R3HDM2: variants seen among roughly 807,000 people sequenced by gnomAD.
R3HDM2 encodes the protein R3H domain-containing protein 2.
In R3HDM2, 38 loss-of-function variants were observed where a neutral mutation model predicts 124.5. That is an observed-to-expected ratio of 0.31 (90% CI 0.24 to 0.40). The LOEUF is 0.40. R3HDM2 is among the 10% of genes least tolerant of loss of function. R3HDM2 has a pLI of 1.00. For missense variants in R3HDM2, 869 were observed against 1,236.9 expected, an observed-to-expected ratio of 0.70 and a Z score of 4.46; for synonymous variants, 391 against 448.0, an observed-to-expected ratio of 0.87 and a Z score of 1.61.
In R3HDM2 at chr12:57,256,437, G is replaced by C; in HGVS notation, c.2524C>G (p.Gln842Glu). The stretch of plus-strand genomic sequence containing the variant: ...ACCTGGTGCACCGTGTAAGTTGACT[G>C]GCCATGGAGCAAGGGAGGGCAGATG... ...LSICPPLLHG[Q>E]STYTVHQGQS... The change falls in exon 22 of 24, where the codon CAG becomes GAG. Residue 842 changes from glutamine to glutamate, a missense_variant. Around this residue, in one of 2 missense-constraint regions of R3HDM2, gnomAD observed 602 missense variants for 789.2 expected, o/e 0.76. Coordinates refer to ENST00000402412, the MANE Select transcript of R3HDM2 (RefSeq NM_001394031.1). The C allele has an allele frequency of 6.3e-7, 1 of 1,595,970 alleles. No homozygotes were observed. Among genetic ancestry groups the C allele is most frequent in the Non-Finnish European group, 8.5e-7 (1 of 1,170,664 alleles).
intron 8 of R3HDM2, 143 bp downstream of exon 8, chr12:57,297,185 A>G (rs1452999271): frequency 5.4e-6 from 3 of 553,328 alleles, no homozygotes; most frequent in Middle Eastern, 8.5e-4. Context: ...TTATTTTTCA[A>G]CTCAAATCTA....
chr12:57,385,454 G>C (rs781160237), intron 2 of R3HDM2, among the ~76,000 whole-genome samples: 8 of 151,870 alleles, frequency 5.3e-5, no homozygotes, highest in Non-Finnish European at 1.0e-4. Flanking sequence ...GTGTTAGCCA[G>C]AATGGTCTCG....
intron 2 of R3HDM2, among the ~76,000 whole-genome samples, chr12:57,323,402 G>A (rs1244407730): frequency 6.6e-6 from 1 of 152,148 alleles, no homozygotes; most frequent in Non-Finnish European, 1.5e-5. Context: ...AAAGCTATAG[G>A]TATATGACAG....
chr12:57,375,619 G>T (rs116002655), intron 2 of R3HDM2, among the ~76,000 whole-genome samples: 1,812 of 151,616 alleles, frequency 0.012, 33 homozygotes, highest in African/African-American at 0.041. Context: ...GGAGAAACAG[G>T]CTGGTTCTTT....
intron 6 of R3HDM2, among the ~76,000 whole-genome samples, chr12:57,298,892 G>A (rs1177688648): frequency 6.6e-6 from 1 of 152,264 alleles, no homozygotes; most frequent in African/African-American, 2.4e-5. Context: ...GAACTCGGGA[G>A]GCGAAGGTTG....
intron 1 of R3HDM2, among the ~76,000 whole-genome samples, chr12:57,415,575 G>A (rs1474209783): frequency 7.4e-5 from 1 of 13,572 alleles, no homozygotes; most frequent in African/African-American, 1.3e-4. Flanking sequence ...ACAAGGCCAG[G>A]GGTGGAAAAA....
At chr12:57,277,898 C>G (rs1292914858) in intron 14 of R3HDM2, among the ~76,000 whole-genome samples, 1 of 151,742 alleles carries the variant, frequency 6.6e-6, no homozygotes, top group Non-Finnish European at 1.5e-5. Context: ...GTCTAGGGAG[C>G]CCCCAGTGCT....
Position 57,305,571 on chromosome 12 carries a change from A to G in R3HDM2, c.166-2354T>C, listed in dbSNP as rs142416381. 1,210 of 398,840 alleles carry G rather than the reference A, an allele frequency of 3.0e-3. 12 individuals carry two copies. Among genetic ancestry groups the G allele is most frequent in the African/African-American group, 0.023 (1,099 of 48,754 alleles). The allele number at this position is 398,840 out of a possible 1,614,324, so 24.7% of individuals were successfully genotyped here. A position where few individuals can be genotyped will look rare whatever the true frequency, so the allele number is the denominator to read the frequency against. ...GGATAGTTTTAACAGCCAAACATATATTAAAAGCCTAATATACACCATGTT... is the reference window on the plus strand; with the variant it reads ...GGATAGTTTTAACAGCCAAACATATGTTAAAAGCCTAATATACACCATGTT... On this transcript the variant is annotated intron_variant, in intron 3 of 23. Coordinates refer to ENST00000402412, the MANE Select transcript of R3HDM2 (RefSeq NM_001394031.1).
At chr12:57,258,749 G>A (rs1377909160) in intron 20 of R3HDM2, 141 bp downstream of exon 20, 2 of 731,752 alleles carry the variant, frequency 2.7e-6, no homozygotes, top group Non-Finnish European at 4.1e-6. Flanking sequence ...AAAAGAGGAT[G>A]CTGTCTACTT....
At chr12:57,316,394 G>A (rs953870061) in intron 2 of R3HDM2, among the ~76,000 whole-genome samples, 1 of 152,150 alleles carries the variant, frequency 6.6e-6, no homozygotes, top group Non-Finnish European at 1.5e-5. Context: ...GAAGGGACAA[G>A]TGAGACACAA....
At chr12:57,334,725 G>C (rs11172166) in intron 2 of R3HDM2, among the ~76,000 whole-genome samples, 55,918 of 151,880 alleles carry the variant, frequency 0.37, 11,717 homozygotes, top group Middle Eastern at 0.75. Flanking sequence ...ACCAACACCA[G>C]GATATATTGA....
In R3HDM2 at chr12:57,268,468, AAG is replaced by A. The variant is rs1195051936; in HGVS notation, c.1876-13_1876-12del. On this transcript the variant is annotated splice_polypyrimidine_tract_variant and intron_variant, in intron 17 of 23. Coordinates refer to ENST00000402412, the MANE Select transcript of R3HDM2 (RefSeq NM_001394031.1). ...ACTACCCACTGGAACCTGGGTGAGA[AAG>A]AGAAGAGAAAGAATCACATTCGCAT... is the stretch of plus-strand genomic sequence containing the variant. 1 of 1,613,582 alleles carries A rather than the reference AAG, an allele frequency of 6.2e-7. No individual in the cohort carries two copies. The highest frequency in any genetic ancestry group is 8.5e-7 in the Non-Finnish European group (1 of 1,179,728).
chr12:57,370,591 G>C (rs2063232149), intron 2 of R3HDM2, among the ~76,000 whole-genome samples: 1 of 152,108 alleles, frequency 6.6e-6, no homozygotes, highest in South Asian at 2.1e-4. Flanking sequence ...GGTGAGCCAA[G>C]ATCGCGCCAT....
intron 2 of R3HDM2, among the ~76,000 whole-genome samples, chr12:57,362,195 G>T (rs1593929747): frequency 6.6e-6 from 1 of 152,110 alleles, no homozygotes; most frequent in South Asian, 2.1e-4. Flanking sequence ...CAACAAGTGT[G>T]CCTGCCTCTC....
At chr12:57,371,083 CTT>C (rs775839017) in intron 2 of R3HDM2, among the ~76,000 whole-genome samples, 6,036 of 39,950 alleles carry the variant, frequency 0.15, 466 homozygotes, top group Admixed American at 0.22. Context: ...TATACCATTA[CTT>C]TTTTTTTTTT....
intron 12 of R3HDM2, 85 bp from the exon 13 acceptor site, chr12:57,284,141 T>C (rs2046812177): frequency 8.3e-7 from 1 of 1,207,908 alleles, no homozygotes; most frequent in African/African-American, 1.5e-5. Flanking sequence ...ATTCTCTCAA[T>C]AACAAAGAAT....
intron 11 of R3HDM2, 57 bp from the exon 12 acceptor site, chr12:57,289,097 G>A (rs1013278657): frequency 4.1e-6 from 6 of 1,460,354 alleles, no homozygotes; most frequent in South Asian, 2.4e-5. Flanking sequence ...TGGCATGACC[G>A]AAAAGGATGT....
intron 2 of R3HDM2, among the ~76,000 whole-genome samples, chr12:57,327,415 C>A (rs1005639332): frequency 6.8e-6 from 1 of 147,118 alleles, no homozygotes; most frequent in East Asian, 2.0e-4. Context: ...TGCAGTGAGC[C>A]GAGATCGCGC....
rs1415556448 is a variant in R3HDM2 at position 57,269,431 on chromosome 12, G to T, written c.1606C>A (p.Pro536Thr). The stretch of plus-strand genomic sequence containing the variant: ...TTGGAGTTAGGATATTGTCCAGGGG[G>T]ATAGTAAGAAACCTGGATCTATGGT... ...PPQQIQVSYY[P>T]PGQYPNSNQQ... The change falls in exon 16 of 24, where the codon CCC becomes ACC. Residue 536 changes from proline to threonine, a missense_variant. Pro to Thr is a conservative substitution (Grantham distance 38). Coordinates refer to ENST00000402412, the MANE Select transcript of R3HDM2 (RefSeq NM_001394031.1). 4.3e-6 allele frequency: 7 copies of T among 1,613,978 alleles called. No individual in the cohort carries two copies. Among genetic ancestry groups the T allele is most frequent in the Non-Finnish European group, 5.9e-6 (7 of 1,180,006 alleles).
Sources: gnomAD v4.1 joint callset for allele counts (sites outside exome capture counted in the v4.1 genomes callset) on GRCh38, gnomAD v4.1.1 for gene constraint, gnomAD v4.1.1 regional missense constraint, MANE v1.5 for transcripts, NCBI Gene and HGNC (gene_info 2026-07-23, HGNC 2026-07-21) for gene names.